The following PRR5L variants were observed in gnomAD, a reference collection of about 807,000 sequenced individuals.
The protein encoded by PRR5L is proline rich 5 like.
In PRR5L, 21 loss-of-function variants were observed where a neutral mutation model predicts 36.4. The ratio of observed to expected loss-of-function variants is 0.58; its 90% CI spans 0.41 to 0.83. The LOEUF is 0.83. PRR5L is among the 40% of genes least tolerant of loss of function. The pLI is 0.00. For synonymous variants in PRR5L, 188 were observed against 197.0 expected (o/e 0.95, Z 0.38); for missense variants, 381 against 473.3 (o/e 0.80, Z 1.81).
At chr11:36,304,126 C>T (rs1038053125) in intron 1 of PRR5L, among the ~76,000 whole-genome samples, 2 of 152,134 alleles carry the variant, frequency 1.3e-5, no homozygotes, top group Admixed American at 1.3e-4. Flanking sequence ...TCTCTGGGGA[C>T]CTCATCTTTT....
intron 1 of PRR5L, among the ~76,000 whole-genome samples, chr11:36,311,014 A>AAT (rs1856496759): frequency 6.6e-6 from 1 of 151,468 alleles, no homozygotes; most frequent in East Asian, 1.9e-4. Context: ...AAAAAAAAAA[A>AAT]AAGAATGTTC....
chr11:36,392,006 TG>T (rs1268310601), intron 1 of PRR5L, among the ~76,000 whole-genome samples: 1 of 152,234 alleles, frequency 6.6e-6, no homozygotes, highest in African/African-American at 2.4e-5. Context: ...ATCATTTTCC[TG>T]TCTCCGTGAG....
chr11:36,348,966 T>C (rs1452500405), intron 1 of PRR5L, among the ~76,000 whole-genome samples: 1 of 152,080 alleles, frequency 6.6e-6, no homozygotes, highest in Non-Finnish European at 1.5e-5. Flanking sequence ...TGATGTAAAA[T>C]GTCCTTAGCA....
intron 3 of PRR5L, among the ~76,000 whole-genome samples, chr11:36,415,926 TAA>T (rs1206545690): frequency 2.0e-5 from 3 of 152,248 alleles, no homozygotes; most frequent in African/African-American, 7.2e-5. Flanking sequence ...TAGTGTTGTG[TAA>T]ACTAAAATGT....
chr11:36,430,241 C>G (rs1376295373), intron 4 of PRR5L, among the ~76,000 whole-genome samples: 1 of 152,066 alleles, frequency 6.6e-6, no homozygotes, highest in Non-Finnish European at 1.5e-5. Flanking sequence ...GAAACCCCGT[C>G]TCTACCAAAA....
At chr11:36,305,002 A>G (rs936837470) in intron 1 of PRR5L, among the ~76,000 whole-genome samples, 3 of 152,236 alleles carry the variant, frequency 2.0e-5, no homozygotes, top group Admixed American at 2.0e-4. Flanking sequence ...TTACAATTTA[A>G]CCCAGCAATT....
intron 3 of PRR5L, among the ~76,000 whole-genome samples, chr11:36,417,209 A>G (rs929047369): frequency 6.6e-5 from 10 of 152,210 alleles, no homozygotes; most frequent in Non-Finnish European, 1.5e-4. Flanking sequence ...GTAGCCTATC[A>G]GTAGGACTTG....
intron 4 of PRR5L, among the ~76,000 whole-genome samples, chr11:36,423,254 C>CGT (rs1554929054): frequency 6.6e-6 from 1 of 152,018 alleles, no homozygotes; most frequent in Non-Finnish European, 1.5e-5. Context: ...TGTATGTGTA[C>CGT]GTGTGTGTGC....
chr11:36,375,607 A>G (rs1469206106), intron 1 of PRR5L, among the ~76,000 whole-genome samples: 1 of 152,232 alleles, frequency 6.6e-6, no homozygotes, highest in Non-Finnish European at 1.5e-5. Context: ...TTTCCTGCTC[A>G]ACCATAGGGT....
intron 1 of PRR5L, among the ~76,000 whole-genome samples, chr11:36,312,967 TG>T (rs557987344): frequency 6.6e-6 from 1 of 152,218 alleles, no homozygotes. Context: ...GGGCTGAGTG[TG>T]GGGGTCTCCA....
chr11:36,332,423 C>T (rs1370335956), intron 1 of PRR5L, among the ~76,000 whole-genome samples: 1 of 152,164 alleles, frequency 6.6e-6, no homozygotes. Context: ...TATTCTCTGG[C>T]ATTAAATAAG....
Position 36,344,847 on chromosome 11 carries a change from C to T in PRR5L, c.-126+48409C>T, listed in dbSNP as rs1387417713. On this transcript the variant is annotated intron_variant, in intron 1 of 8. Transcript: ENST00000530639. This position sits in a 1 kb window ranked among gnomAD's most constrained non-coding sequence, Gnocchi z 4.1. ...AGTAAGGAAGGGGCAGCACAAATAC[C>T]CATGGAGCTCCTCCTTGACTATTGA... Among the ~76,000 whole-genome samples the T allele has an allele frequency of 2.0e-5, 3 of 152,106 alleles. No individual in the cohort carries two copies. Among genetic ancestry groups the T allele is most frequent in the African/African-American group, 7.2e-5 (3 of 41,412 alleles).
At chr11:36,362,431 T>C (rs976540908) in intron 1 of PRR5L, among the ~76,000 whole-genome samples, 1 of 14,428 alleles carries the variant, frequency 6.9e-5, no homozygotes, top group African/African-American at 2.7e-4. Flanking sequence ...CTTGGCGGGG[T>C]GGGGGTGGGC....
At chr11:36,435,170 T>C (rs762366726) in intron 5 of PRR5L, among the ~76,000 whole-genome samples, 9 of 152,074 alleles carry the variant, frequency 5.9e-5, no homozygotes, top group African/African-American at 1.9e-4. Flanking sequence ...GTGACTCAGA[T>C]TGTGAGAGGG....
At chr11:36,341,496 G>C (rs531901816) in intron 1 of PRR5L, among the ~76,000 whole-genome samples, 2 of 152,256 alleles carry the variant, frequency 1.3e-5, no homozygotes, top group Admixed American at 6.5e-5. Flanking sequence ...AGAGTGCTTT[G>C]AGAGTGAAGA....
intron 4 of PRR5L, among the ~76,000 whole-genome samples, chr11:36,422,531 C>A (rs907166931): frequency 1.3e-5 from 2 of 152,200 alleles, no homozygotes; most frequent in Non-Finnish European, 2.9e-5. Context: ...TGTCTCCTCA[C>A]CCTGACCCCC....
intron 1 of PRR5L, among the ~76,000 whole-genome samples, chr11:36,390,846 A>G (rs1376655753): frequency 1.3e-5 from 2 of 152,206 alleles, no homozygotes; most frequent in Non-Finnish European, 2.9e-5. Context: ...GCAGTCAGTA[A>G]ATGGTGCTAT....
chr11:36,371,833 C>T (rs928045167), intron 1 of PRR5L, among the ~76,000 whole-genome samples: 2 of 151,940 alleles, frequency 1.3e-5, no homozygotes, highest in East Asian at 1.9e-4. Context: ...CAGAGGTGGG[C>T]GGATCACCCG....
At chr11:36,409,406 G>A (rs1342385942) in intron 3 of PRR5L, among the ~76,000 whole-genome samples, 2 of 152,206 alleles carry the variant, frequency 1.3e-5, no homozygotes, top group Non-Finnish European at 2.9e-5. Flanking sequence ...GGGAGGTGGT[G>A]TGAAGAAAAC....
Sources: allele counts gnomAD v4.1 joint callset (sites outside exome capture counted in the v4.1 genomes callset), GRCh38; gene constraint gnomAD v4.1.1; non-coding constraint Gnocchi (gnomAD v3.1); transcripts MANE v1.5; gene names NCBI Gene and HGNC (gene_info 2026-07-23, HGNC 2026-07-21).